Variants in FBXO4 observed in about 807,000 individuals in gnomAD.
The protein encoded by FBXO4 is F-box only protein 4.
FBXO4 carries 36 observed loss-of-function variants against 43.7 expected under a neutral mutation model. That is an observed-to-expected ratio of 0.82 (90% CI 0.63 to 1.09). The LOEUF is 1.09. Among genes scored for constraint, FBXO4 ranks in the 50% least tolerant of loss-of-function variants. FBXO4 has a pLI of 0.00. For missense variants in FBXO4, 435 were observed against 474.1 expected (o/e 0.92, Z 0.77); for synonymous variants, 180 against 165.6 (o/e 1.09, Z -0.67).
Position 41,939,521 on chromosome 5 carries a change from G to C in FBXO4, c.979G>C (p.Val327Leu), listed in dbSNP as rs776046828. ...TGGGTCTTCGGGAAGACCATTGTTG[G>C]TTTTATCTTGTATTTCTCAAGGGGA... ...AFGSSGRPLLVLSCISQGDVK... is the reference protein window; with the variant it reads ...AFGSSGRPLLLLSCISQGDVK... Residue 327 changes from valine (V) to leucine (L), a missense_variant, in exon 6 of 7, where the codon GTT becomes CTT. Physicochemically the swap from Val to Leu is conservative, Grantham distance 32. Coordinates refer to ENST00000281623, the MANE Select transcript of FBXO4 (RefSeq NM_012176.3). The C allele has an allele frequency of 1.2e-6, 2 of 1,613,668 alleles. No individual in the cohort carries two copies. Among genetic ancestry groups the C allele is most frequent in the Admixed American group, 1.7e-5 (1 of 59,978 alleles).
At chr5:41,983,730 C>T in the FBXO4 span, among the ~76,000 whole-genome samples, 1 of 152,072 alleles carries the variant, frequency 6.6e-6, no homozygotes, top group African/African-American at 2.4e-5. Flanking sequence ...TTATATTTCT[C>T]TTTGATTCTT....
chr5:41,999,536 C>CATATATATGTATATATAT, the FBXO4 span, among the ~76,000 whole-genome samples: 4 of 79,882 alleles, frequency 5.0e-5, no homozygotes, highest in South Asian at 3.5e-4. Flanking sequence ...TATATATATA[C>CATATATATGTATATATAT]ATATATATGT....
At chr5:41,967,242 A>G in the FBXO4 span, 2 of 489,042 alleles carry the variant, frequency 4.1e-6, no homozygotes, top group East Asian at 5.2e-5. Context: ...TAGCATTGCC[A>G]CTGTCATAGG....
chr5:41,934,890 A>G (rs1437832491), intron 5 of FBXO4: 1 of 985,512 alleles, frequency 1.0e-6, no homozygotes, highest in East Asian at 1.1e-4. Context: ...TAGTATTATA[A>G]TATCTTTCCC....
chr5:42,027,029 C>A, the FBXO4 span, among the ~76,000 whole-genome samples: 1 of 151,788 alleles, frequency 6.6e-6, no homozygotes, highest in Admixed American at 6.6e-5. Context: ...GTGTCTTTGA[C>A]TGGTTTTGGG....
At chr5:42,001,515 G>C in the FBXO4 span, among the ~76,000 whole-genome samples, 1 of 151,960 alleles carries the variant, frequency 6.6e-6, no homozygotes, top group African/African-American at 2.4e-5. Context: ...TACAGGTGAG[G>C]GCCACCATGC....
the FBXO4 span, among the ~76,000 whole-genome samples, chr5:42,008,345 C>T: frequency 1.3e-5 from 2 of 152,128 alleles, no homozygotes; most frequent in Non-Finnish European, 2.9e-5. Flanking sequence ...AGCCTGATTG[C>T]TTTCTGTTTT....
chr5:42,031,668 T>G, the FBXO4 span, among the ~76,000 whole-genome samples: 2 of 152,064 alleles, frequency 1.3e-5, no homozygotes, highest in Non-Finnish European at 2.9e-5. Flanking sequence ...TCTGTGTTTC[T>G]CCAGGATTTG....
intron 6 of FBXO4, among the ~76,000 whole-genome samples, chr5:41,939,981 C>G (rs2112588353): frequency 6.6e-6 from 1 of 151,400 alleles, no homozygotes; most frequent in East Asian, 2.0e-4. Flanking sequence ...TCCCAGGTAC[C>G]TGGGACTACA....
At chr5:41,940,326 A>G (rs577676919) in intron 6 of FBXO4, among the ~76,000 whole-genome samples, 67 of 152,012 alleles carry the variant, frequency 4.4e-4, no homozygotes, top group African/African-American at 1.1e-3. Flanking sequence ...CAGTGGTGCA[A>G]TTTTGGCTCA....
chr5:41,965,708 C>T, the FBXO4 span, among the ~76,000 whole-genome samples: 2 of 152,168 alleles, frequency 1.3e-5, no homozygotes, highest in South Asian at 2.1e-4. Flanking sequence ...AGCAATTTTA[C>T]ACTGTTGGTG....
rs747258299 is a variant in FBXO4 at position 41,934,113 on chromosome 5, C to A, written c.723-20C>A. 2 of 1,613,272 alleles carry A rather than the reference C, an allele frequency of 1.2e-6. No homozygotes were observed. Reference sequence around the variant, plus strand: ...TGTTTAGTGTCTTTTTATATTCTGTCTTTACAATTTTTTTTCTAGAAAGGA... The same window carrying A: ...TGTTTAGTGTCTTTTTATATTCTGTATTTACAATTTTTTTTCTAGAAAGGA... On this transcript the variant is annotated intron_variant, in intron 4 of 6. Coordinates refer to ENST00000281623, the MANE Select transcript of FBXO4 (RefSeq NM_012176.3).
chr5:41,979,145 A>C, the FBXO4 span, among the ~76,000 whole-genome samples: 3 of 152,198 alleles, frequency 2.0e-5, no homozygotes, highest in African/African-American at 7.2e-5. Context: ...TTTGTGGCCC[A>C]CTACTCTCAA....
At chr5:42,012,222 C>G in the FBXO4 span, among the ~76,000 whole-genome samples, 1 of 152,108 alleles carries the variant, frequency 6.6e-6, no homozygotes, top group African/African-American at 2.4e-5. Flanking sequence ...ACCAGGTGGT[C>G]TGCACAACAC....
the FBXO4 span, among the ~76,000 whole-genome samples, chr5:41,989,523 C>G: frequency 9.2e-5 from 14 of 152,084 alleles, no homozygotes; most frequent in Non-Finnish European, 8.8e-5. Context: ...TACTTTAAAG[C>G]TCCCTTTGTA....
chr5:42,033,247 C>T, the FBXO4 span, among the ~76,000 whole-genome samples: 2 of 152,224 alleles, frequency 1.3e-5, no homozygotes, highest in African/African-American at 4.8e-5. Flanking sequence ...GTTGCATCTT[C>T]CCACAACTCC....
At chr5:41,995,390 C>T in the FBXO4 span, among the ~76,000 whole-genome samples, 1 of 152,218 alleles carries the variant, frequency 6.6e-6, no homozygotes, top group Non-Finnish European at 1.5e-5. Flanking sequence ...AGGTAGTTGG[C>T]TGATCACCCT....
At chr5:41,939,990 C>T (rs1178312656) in intron 6 of FBXO4, among the ~76,000 whole-genome samples, 1 of 151,570 alleles carries the variant, frequency 6.6e-6, no homozygotes, top group Non-Finnish European at 1.5e-5. Flanking sequence ...CCTGGGACTA[C>T]AGGTGTGTGC....
chr5:41,987,761 T>C, the FBXO4 span, among the ~76,000 whole-genome samples: 2 of 152,208 alleles, frequency 1.3e-5, no homozygotes, highest in Admixed American at 6.5e-5. Context: ...ACCAACCTGA[T>C]AATAAGCTCA....
Sources: allele counts gnomAD v4.1 joint callset (sites outside exome capture counted in the v4.1 genomes callset), GRCh38; gene constraint gnomAD v4.1.1; transcripts MANE v1.5; gene names NCBI Gene and HGNC (gene_info 2026-07-23, HGNC 2026-07-21).